ABCB4: variants seen among roughly 807,000 people sequenced by gnomAD.
ABCB4 encodes the protein phosphatidylcholine translocator ABCB4.
ABCB4 carries 76 observed loss-of-function variants against 145.7 expected under a neutral mutation model. That is an observed-to-expected ratio of 0.52 (90% CI 0.43 to 0.63). The LOEUF is 0.63. ABCB4 is among the 30% of genes least tolerant of loss of function. The pLI is 0.00. For synonymous variants in ABCB4, 517 were observed against 566.8 expected (o/e 0.91, Z 1.25); for missense variants, 1,234 against 1,553.1 (o/e 0.79, Z 3.45).
rs141343150 is a variant in ABCB4 at position 87,406,431 on chromosome 7, C to T, written c.3343G>A (p.Val1115Met). ...VQWLRAQLGIVSQEPILFDCS... is the reference protein window; with the variant it reads ...VQWLRAQLGIMSQEPILFDCS... ...TCAAATAGGATAGGCTCCTGAGACACGATTCCGAGTTGAGCTCTGAGCCAC... is the reference window on the plus strand; with the variant it reads ...TCAAATAGGATAGGCTCCTGAGACATGATTCCGAGTTGAGCTCTGAGCCAC... Residue 1115 changes from valine (V) to methionine (M), a missense_variant, in exon 26 of 28, where the codon GTG becomes ATG. By Grantham distance (21) the Val-to-Met change is conservative. Coordinates refer to ENST00000649586, the MANE Select transcript of ABCB4 (RefSeq NM_000443.4). 114 of 1,613,830 alleles carry T rather than the reference C, an allele frequency of 7.1e-5. No individual in the cohort carries two copies. Among genetic ancestry groups the T allele is most frequent in the Middle Eastern group, 1.6e-4 (1 of 6,084 alleles).
chr7:87,472,646 ACT>A lies in ABCB4; in HGVS notation c.108_109del (p.Val37GlufsTer17). ...CAATGTTAATACTCCAATCATTTTC[ACT>A]GTCTTCGTTTTTTTCCTTTTTTGTT... On this transcript the variant is annotated frameshift_variant, in exon 3 of 28. Transcript: ENST00000649586. LOFTEE classifies it high-confidence loss of function. 6.2e-7 allele frequency: 1 copy of A among 1,609,412 alleles called. No individual in the cohort carries two copies. Among genetic ancestry groups the A allele is most frequent in the Non-Finnish European group, 8.5e-7 (1 of 1,175,838 alleles).
At chr7:87,453,173 CTTTTCTT>C in intron 5 of ABCB4, 38 bp from the exon 6 acceptor site, 2 of 1,590,788 alleles carry the variant, frequency 1.3e-6, no homozygotes, top group South Asian at 2.2e-5. Flanking sequence ...AATACCTTCT[CTTTTCTT>C]TTTTCTTTTC....
intron 4 of ABCB4, among the ~76,000 whole-genome samples, chr7:87,455,911 G>A (rs1025983875): frequency 1.3e-5 from 2 of 152,100 alleles, no homozygotes; most frequent in South Asian, 2.1e-4. Context: ...CAATTACCAG[G>A]CATCTGGCCC....
chr7:87,398,233 G>GT (rs1807609280), downstream of ABCB4: 5 of 546,972 alleles, frequency 9.1e-6, no homozygotes, highest in South Asian at 1.6e-5. Flanking sequence ...TAGGAAGGAG[G>GT]TTTTTTGTTC....
chr7:87,454,037 A>G (rs750182677), intron 5 of ABCB4, among the ~76,000 whole-genome samples: 3 of 152,232 alleles, frequency 2.0e-5, no homozygotes, highest in Admixed American at 1.3e-4. Context: ...AATAATAAGT[A>G]CATATCAATA....
chr7:87,436,198 G>C (rs1212340060), intron 14 of ABCB4, among the ~76,000 whole-genome samples: 1 of 152,110 alleles, frequency 6.6e-6, no homozygotes, highest in African/African-American at 2.4e-5. Context: ...CCAGTACTCA[G>C]TTGGAAAATG....
At chr7:87,403,836 TC>T (rs1334523963) in intron 26 of ABCB4, among the ~76,000 whole-genome samples, 1 of 152,074 alleles carries the variant, frequency 6.6e-6, no homozygotes, top group African/African-American at 2.4e-5. Context: ...CTATGAAAGA[TC>T]AGAAGAAGGA....
At chr7:87,392,692 A>C in the ABCB4 span, 1 of 1,611,048 alleles carries the variant, frequency 6.2e-7, no homozygotes, top group Non-Finnish European at 8.5e-7. Context: ...CATGGTGAAA[A>C]ATTTTTTTCT....
At position 87,445,600 on chromosome 7, in the gene ABCB4, T is replaced by A. The variant is rs1160685572; in HGVS notation, c.1006-625A>T. Among the ~76,000 whole-genome samples, 4 of 151,224 alleles carry A rather than the reference T, an allele frequency of 2.6e-5. No individual in the cohort carries two copies. The East Asian group carries it at 7.8e-4, about 30-fold the overall frequency. Reference sequence around the variant, plus strand: ...AGAATACAGCTTCAGGAATCCAGATTATTAGCATAACTTAACTGAGAAAAA... The same window carrying A: ...AGAATACAGCTTCAGGAATCCAGATAATTAGCATAACTTAACTGAGAAAAA... On this transcript the variant is annotated intron_variant, in intron 9 of 27. Transcript: ENST00000649586.
chr7:87,412,007 T>A lies in ABCB4; in HGVS notation c.2810A>T (p.Tyr937Phe). 1 of 1,613,886 alleles carries A rather than the reference T, an allele frequency of 6.2e-7. No individual in the cohort carries two copies. Among genetic ancestry groups the A allele is most frequent in the Non-Finnish European group, 8.5e-7 (1 of 1,179,798 alleles). ...YRNSVQKAHI[Y>F]GITFSISQAF... ...TTGTGAGATACTAAAAGTAATTCCA[T>A]AGATGTGTGCCTTCTGCACAGAATT... Residue 937 changes from tyrosine to phenylalanine, a missense_variant, in exon 23 of 28, where the codon TAT becomes TTT. Tyr to Phe is a conservative substitution (Grantham distance 22). Coordinates refer to ENST00000649586, the MANE Select transcript of ABCB4 (RefSeq NM_000443.4).
At chr7:87,419,263 A>G (rs1476518665) in intron 19 of ABCB4, among the ~76,000 whole-genome samples, 1 of 152,262 alleles carries the variant, frequency 6.6e-6, no homozygotes, top group Non-Finnish European at 1.5e-5. Context: ...AGATTTAATC[A>G]GAATATACTA....
intron 26 of ABCB4, 178 bp downstream of exon 26, chr7:87,406,110 T>C: frequency 1.5e-6 from 1 of 660,496 alleles, no homozygotes. Flanking sequence ...TTGTATGAGG[T>C]AGGCATAATG....
At chr7:87,470,906 G>A (rs2116971656) in intron 3 of ABCB4, among the ~76,000 whole-genome samples, 1 of 152,262 alleles carries the variant, frequency 6.6e-6, no homozygotes, top group African/African-American at 2.4e-5. Context: ...CTGCTATACA[G>A]ACACATGCAC....
intron 12 of ABCB4, 48 bp downstream of exon 12, chr7:87,443,271 A>G (rs1401280020): frequency 2.5e-6 from 4 of 1,612,988 alleles, no homozygotes; most frequent in Non-Finnish European, 3.4e-6. Flanking sequence ...CAAAGGGCCA[A>G]TTTGTATCCA....
At chr7:87,376,303 T>A in the ABCB4 span, among the ~76,000 whole-genome samples, 4 of 152,148 alleles carry the variant, frequency 2.6e-5, no homozygotes, top group Admixed American at 6.6e-5. Context: ...AATGATAACC[T>A]AATCATAACC....
the ABCB4 span, chr7:87,393,089 C>T: frequency 1.9e-6 from 3 of 1,609,288 alleles, no homozygotes; most frequent in Non-Finnish European, 2.5e-6. Context: ...CTTTTTTATT[C>T]TTTCTGTGCT....
the ABCB4 span, among the ~76,000 whole-genome samples, chr7:87,389,860 A>G: frequency 0.87 from 132,794 of 152,260 alleles, 58,057 homozygotes; most frequent in Middle Eastern, 0.94. Context: ...CTTGCCAGAA[A>G]CTAGCTCATC....
chr7:87,412,122 G>C, intron 22 of ABCB4, 89 bp from the exon 23 acceptor site: 3 of 1,499,852 alleles, frequency 2.0e-6, no homozygotes, highest in Non-Finnish European at 2.8e-6. Flanking sequence ...AAGTCTGGCC[G>C]AGTGGGTTTA....
At chr7:87,471,240 A>T (rs1414277631) in intron 3 of ABCB4, among the ~76,000 whole-genome samples, 2 of 152,154 alleles carry the variant, frequency 1.3e-5, no homozygotes, top group African/African-American at 2.4e-5. Flanking sequence ...GGGGAGGGAT[A>T]GCATTAGGAG....
Sources: allele counts gnomAD v4.1 joint callset (sites outside exome capture counted in the v4.1 genomes callset), GRCh38; gene constraint gnomAD v4.1.1; transcripts MANE v1.5; gene names NCBI Gene and HGNC (gene_info 2026-07-23, HGNC 2026-07-21).